PCDHGA4: variants seen among roughly 807,000 people sequenced by gnomAD.
PCDHGA4 encodes the protein protocadherin gamma-A4.
In PCDHGA4, 38 loss-of-function variants were observed where a neutral mutation model predicts 54.6. That is an observed-to-expected ratio of 0.70 (90% CI 0.54 to 0.91). The LOEUF (loss-of-function observed/expected upper bound fraction) is 0.91, where lower values mean the gene tolerates loss of function less well. Ranked by LOEUF, PCDHGA4 falls within the 40% of genes least tolerant of loss-of-function variation. The pLI is 0.00. For synonymous variants in PCDHGA4, 511 were observed against 512.9 expected (o/e 1.00, Z 0.05); for missense variants, 1,298 against 1,220.9 (o/e 1.06, Z -0.94).
At chr5:141,407,535 T>C (rs1471174995) in intron 1 of PCDHGA4, among the ~76,000 whole-genome samples, 1 of 151,840 alleles carries the variant, frequency 6.6e-6, no homozygotes, top group Non-Finnish European at 1.5e-5. Context: ...TTATTGTGCA[T>C]TGGTAACAGA....
At chr5:141,410,471 G>GC in intron 1 of PCDHGA4, 1 of 1,613,988 alleles carries the variant, frequency 6.2e-7, no homozygotes, top group Non-Finnish European at 8.5e-7. Flanking sequence ...TCTGTGCATT[G>GC]CACATACGGG....
chr5:141,467,376 A>G (rs1391386659), intron 1 of PCDHGA4, among the ~76,000 whole-genome samples: 2 of 151,990 alleles, frequency 1.3e-5, no homozygotes. Flanking sequence ...CTTATATTGC[A>G]TTTAGGTTTT....
chr5:141,397,648 C>T (rs1045102412), intron 1 of PCDHGA4, among the ~76,000 whole-genome samples: 5 of 152,148 alleles, frequency 3.3e-5, no homozygotes, highest in African/African-American at 1.2e-4. Context: ...GGTATGTTTG[C>T]AGAATGGTGA....
intron 1 of PCDHGA4, chr5:141,410,847 G>GTTTTTT (rs773839667): frequency 6.3e-5 from 10 of 158,328 alleles, no homozygotes; most frequent in Admixed American, 1.8e-4. Flanking sequence ...TTTTGTCTTT[G>GTTTTTT]TCTTTTTTTT....
At chr5:141,409,484 G>A in intron 1 of PCDHGA4, 1 of 1,613,974 alleles carries the variant, frequency 6.2e-7, no homozygotes, top group Non-Finnish European at 8.5e-7. Flanking sequence ...CACTGACAGG[G>A]GCAAGCCGCC....
Position 141,432,403 on chromosome 5 carries a change from G to A in PCDHGA4, c.2515-62404G>A, listed in dbSNP as rs1279890312. The A allele has an allele frequency of 6.2e-7, 1 of 1,614,242 alleles. No homozygotes were observed. The highest frequency in any genetic ancestry group is 8.5e-7 in the Non-Finnish European group (1 of 1,180,052). On this transcript the variant is annotated intron_variant, in intron 1 of 3. Coordinates refer to ENST00000571252, the MANE Select transcript of PCDHGA4 (RefSeq NM_018917.4). The surrounding 1 kb of genome is among the most constrained non-coding windows in gnomAD (Gnocchi z 6.0). ...CGCCCCTCAGCAGCAACGTGTCGTT[G>A]AGCCTGTTCGTGCTGGACCAGAACG...
At chr5:141,366,007 G>T (rs764457320) in intron 1 of PCDHGA4, 1 of 1,614,058 alleles carries the variant, frequency 6.2e-7, no homozygotes, top group Non-Finnish European at 8.5e-7. Flanking sequence ...ACGACAATAC[G>T]CCTGAGATCC....
At position 141,384,872 on chromosome 5, in the gene PCDHGA4, T is replaced by A. The variant is rs773444317; in HGVS notation, c.2514+27251T>A. On this transcript the variant is annotated intron_variant, in intron 1 of 3. Coordinates refer to ENST00000571252, the MANE Select transcript of PCDHGA4 (RefSeq NM_018917.4). ...GGTCAGCCTCCTCTGTCAGCCACCG[T>A]CACACTCACCGTGGCTGTGGCTGAC... is the stretch of plus-strand genomic sequence containing the variant. 1.9e-6 allele frequency: 3 copies of A among 1,613,766 alleles called. No individual in the cohort carries two copies. The highest frequency in any genetic ancestry group is 2.5e-6 in the Non-Finnish European group (3 of 1,179,946).
intron 1 of PCDHGA4, among the ~76,000 whole-genome samples, chr5:141,369,601 T>C (rs1247680470): frequency 2.0e-5 from 3 of 152,244 alleles, no homozygotes; most frequent in Non-Finnish European, 4.4e-5. Flanking sequence ...ACTTCTATTT[T>C]ATAAGGTCAA....
At chr5:141,482,382 T>C (rs935517099) in intron 1 of PCDHGA4, among the ~76,000 whole-genome samples, 1 of 152,146 alleles carries the variant, frequency 6.6e-6, no homozygotes, top group Admixed American at 6.6e-5. Context: ...ATAAAGTCCC[T>C]GTATGGAGCA....
At chr5:141,372,937 G>C (rs894509866) in intron 1 of PCDHGA4, 5 of 831,174 alleles carry the variant, frequency 6.0e-6, no homozygotes, top group Non-Finnish European at 9.0e-6. Context: ...GTGTAGAGTA[G>C]GGTGTCTAGG....
At position 141,432,759 on chromosome 5, in the gene PCDHGA4, G is replaced by T. The variant is rs768949018; in HGVS notation, c.2515-62048G>T. On this transcript the variant is annotated intron_variant, in intron 1 of 3. Transcript: ENST00000571252. The surrounding 1 kb of genome is among the most constrained non-coding windows in gnomAD (Gnocchi z 6.0). ...ACGCTCACCGTGGCCGTGGCCGACA[G>T]CATCCCCCAAGTCCTGGCGGACCTC... is the stretch of plus-strand genomic sequence containing the variant. The T allele has an allele frequency of 6.2e-6, 10 of 1,614,032 alleles. No homozygotes were observed. The highest frequency in any genetic ancestry group is 7.6e-6 in the Non-Finnish European group (9 of 1,180,014).
In PCDHGA4 at chr5:141,487,605, A is replaced by G. The variant is rs202066746; in HGVS notation, c.2515-7202A>G. Reference sequence around the variant, plus strand: ...AGCTGCCCACCCTCTGATCTTCTCTATGGGCTAGAGGTGAGACCTTTGCAG... The same window carrying G: ...AGCTGCCCACCCTCTGATCTTCTCTGTGGGCTAGAGGTGAGACCTTTGCAG... On this transcript the variant is annotated intron_variant, in intron 1 of 3. Transcript: ENST00000571252. The surrounding 1 kb of genome is among the most constrained non-coding windows in gnomAD (Gnocchi z 5.0). 8.7e-6 allele frequency: 14 copies of G among 1,614,008 alleles called. No individual in the cohort carries two copies. In the South Asian group the frequency reaches 8.8e-5, roughly 10 times the overall value.
At chr5:141,430,946 G>A (rs2097328634) in intron 1 of PCDHGA4, 1 of 1,609,494 alleles carries the variant, frequency 6.2e-7, no homozygotes, top group Non-Finnish European at 8.5e-7. Flanking sequence ...CGCGGAGCGC[G>A]GAGTCCGCAT....
intron 1 of PCDHGA4, chr5:141,365,650 G>C: frequency 6.2e-7 from 1 of 1,613,414 alleles, no homozygotes; most frequent in South Asian, 1.1e-5. Flanking sequence ...ACATCCCCTT[G>C]AAAGTAGCAG....
intron 2 of PCDHGA4, among the ~76,000 whole-genome samples, chr5:141,500,985 C>T (rs2099804537): frequency 6.6e-6 from 1 of 152,048 alleles, no homozygotes; most frequent in Non-Finnish European, 1.5e-5. Flanking sequence ...TCTCCTGCCT[C>T]AGCCTCCTGA....
rs1039645331 is a variant in PCDHGA4, at chr5:141,420,373, T to C, written c.2514+62752T>C. ...TTTAAGATTCTAGATAACTTCTTCA[T>C]AGAGTTCGCAAAATATAGGTCAAAT... is the stretch of plus-strand genomic sequence containing the variant. On this transcript the variant is annotated intron_variant, in intron 1 of 3. Coordinates refer to ENST00000571252, the MANE Select transcript of PCDHGA4 (RefSeq NM_018917.4). 21 of 1,337,592 alleles carry C rather than the reference T, an allele frequency of 1.6e-5. No homozygotes were observed. In the African/African-American group the frequency reaches 2.4e-4, roughly 15 times the overall value. The allele number at this position is 1,337,592 out of a possible 1,614,324, so 82.9% of individuals were successfully genotyped here. A position where few individuals can be genotyped will look rare whatever the true frequency, so the allele number is the denominator to read the frequency against.
intron 1 of PCDHGA4, chr5:141,375,567 C>A (rs767430191): frequency 1.2e-6 from 2 of 1,614,076 alleles, no homozygotes. Flanking sequence ...GCAGAAGACA[C>A]CCTCCAGGGG....
In PCDHGA4 at chr5:141,489,950, A is replaced by C. The variant is rs1055715796; in HGVS notation, c.2515-4857A>C. 1 of 1,614,192 alleles carries C rather than the reference A, an allele frequency of 6.2e-7. No homozygotes were observed. The highest frequency in any genetic ancestry group is 1.3e-5 in the African/African-American group (1 of 75,060). ...TCTGTCATCGTGCTGGACATCAATG[A>C]TAATGCTCCAACCTTCCAATCCTCA... is the stretch of plus-strand genomic sequence containing the variant. On this transcript the variant is annotated intron_variant, in intron 1 of 3. Coordinates refer to ENST00000571252, the MANE Select transcript of PCDHGA4 (RefSeq NM_018917.4). The surrounding 1 kb of genome is among the most constrained non-coding windows in gnomAD (Gnocchi z 4.5).
Sources: gnomAD v4.1 joint callset for allele counts (sites outside exome capture counted in the v4.1 genomes callset) on GRCh38, gnomAD v4.1.1 for gene constraint, Gnocchi (gnomAD v3.1) non-coding constraint, MANE v1.5 for transcripts, NCBI Gene and HGNC (gene_info 2026-07-23, HGNC 2026-07-21) for gene names.